IZUMO1R: variants seen among roughly 807,000 people sequenced by gnomAD.
The protein encoded by IZUMO1R is sperm-egg fusion protein Juno.
Under a neutral mutation model 22.1 loss-of-function variants are expected in IZUMO1R, and 24 were observed. The ratio of observed to expected loss-of-function variants is 1.09; its 90% CI spans 0.79 to 1.53. The LOEUF (loss-of-function observed/expected upper bound fraction) is 1.53, where lower values mean the gene tolerates loss of function less well. Ranked by LOEUF, IZUMO1R falls within the 40% of genes most tolerant of loss-of-function variation. The pLI is 0.00. For synonymous variants in IZUMO1R, 133 were observed against 121.2 expected (o/e 1.10, Z -0.64); for missense variants, 308 against 314.9 (o/e 0.98, Z 0.17).
chr11:94,304,992 A>G (rs966162500), intron 1 of IZUMO1R, among the ~76,000 whole-genome samples, 113 bp downstream of exon 1: 1 of 152,148 alleles, frequency 6.6e-6, no homozygotes, highest in African/African-American at 2.4e-5. Context: ...GGTTGTCTGG[A>G]GAGAGAACAG....
At position 94,305,665 on chromosome 11, in the gene IZUMO1R, A is replaced by T; in HGVS notation, c.29A>T (p.Glu10Val). 6.2e-7 allele frequency: 1 copy of T among 1,613,166 alleles called. No homozygotes were observed. Among genetic ancestry groups the T allele is most frequent in the Non-Finnish European group, 8.5e-7 (1 of 1,179,746 alleles). The change falls in exon 2 of 5, where the codon GAG becomes GTG. Residue 10 changes from glutamate (E) to valine (V), a missense_variant. Transcript: ENST00000687084. MACWWPLLL[E>V]LWTVMPTWAG... Reference sequence around the variant, plus strand: ...GCATGCTGGTGGCCGCTCCTGCTAGAGCTGTGGACAGTCATGCCCACCTGG... The same window carrying T: ...GCATGCTGGTGGCCGCTCCTGCTAGTGCTGTGGACAGTCATGCCCACCTGG...
rs1260540144 is a variant in IZUMO1R, at chr11:94,305,695, G to C, written c.59G>C (p.Gly20Ala). The change falls in exon 2 of 5, where the codon GGG (glycine) becomes GCG (alanine). Residue 20 changes from glycine (G) to alanine (A), a missense_variant. Transcript: ENST00000687084. ...ELWTVMPTWA[G>A]DELLNICMNA... ...TGGACAGTCATGCCCACCTGGGCTG[G>C]GGACGAGCTGCTCAACATCTGCATG... The C allele has an allele frequency of 2.5e-6, 4 of 1,613,424 alleles. No individual in the cohort carries two copies. Among genetic ancestry groups the C allele is most frequent in the Non-Finnish European group, 3.4e-6 (4 of 1,179,758 alleles).
chr11:94,305,690 G>A lies in IZUMO1R; in HGVS notation c.54G>A (p.Trp18Ter). The A allele has an allele frequency of 6.2e-7, 1 of 1,613,400 alleles. No individual in the cohort carries two copies. Among genetic ancestry groups the A allele is most frequent in the South Asian group, 1.1e-5 (1 of 91,018 alleles). The stretch of plus-strand genomic sequence containing the variant: ...AGCTGTGGACAGTCATGCCCACCTG[G>A]GCTGGGGACGAGCTGCTCAACATCT... ...LLELWTVMPT[W>*]AGDELLNICM... The change falls in exon 2 of 5, where the codon TGG (tryptophan) becomes TGA (stop). Residue 18 changes from tryptophan (W) to a stop codon, truncating the protein, a stop_gained. Coordinates refer to ENST00000687084, the MANE Select transcript of IZUMO1R (RefSeq NM_001199206.4). LOFTEE classifies it high-confidence loss of function.
rs916973385 is a variant in IZUMO1R at position 94,306,587 on chromosome 11, C to G, written c.213C>G (p.Leu71=). Residue 71 remains leucine (L), a synonymous_variant, in exon 3 of 5, where the codon CTC becomes CTG. Coordinates refer to ENST00000687084, the MANE Select transcript of IZUMO1R (RefSeq NM_001199206.4). ...SWEAHLDVSP[L]YNFSLFHCGL... ...AAGCCCATCTGGATGTATCCCCACT[C>G]TACAACTTCAGCCTGTTTCACTGTG... 5 of 1,613,926 alleles carry G rather than the reference C, an allele frequency of 3.1e-6. No individual in the cohort carries two copies. The highest frequency in any genetic ancestry group is 4.2e-6 in the Non-Finnish European group (5 of 1,179,896).
Position 94,306,108 on chromosome 11 carries a change from A to T in IZUMO1R, c.138+334A>T, listed in dbSNP as rs144454166. ...TTATGTGACCCCTCCCCAAGCTCCT[A>T]AAGGCAATTTCCAGGGATATGGGAG... On this transcript the variant is annotated intron_variant, in intron 2 of 4. Transcript: ENST00000687084. Among the ~76,000 whole-genome samples, 333 of 151,906 alleles carry T rather than the reference A, an allele frequency of 2.2e-3. 3 individuals are homozygous for T. The highest frequency in any genetic ancestry group is 3.4e-3 in the Non-Finnish European group (232 of 67,932).
intron 2 of IZUMO1R, 29 bp downstream of exon 2, chr11:94,305,803 G>A (rs759834208): frequency 5.0e-6 from 8 of 1,610,120 alleles, no homozygotes; most frequent in East Asian, 2.2e-5. Flanking sequence ...GGTATGGGAT[G>A]GGGAAGATCA....
At position 94,306,651 on chromosome 11, in the gene IZUMO1R, GCTAT is replaced by G; in HGVS notation, c.280_283del (p.Ile94AlafsTer33). 1 of 1,613,960 alleles carries G rather than the reference GCTAT, an allele frequency of 6.2e-7. No individual in the cohort carries two copies. Among genetic ancestry groups the G allele is most frequent in the Non-Finnish European group, 8.5e-7 (1 of 1,179,866 alleles). ...TGGCTGTCGGAAGCACTTCATCCAG[GCTAT>G]CTGCTTCTATGAGTGCTCCCCAAAC... On this transcript the variant is annotated frameshift_variant, in exon 3 of 5. Transcript: ENST00000687084. LOFTEE classifies it high-confidence loss of function.
chr11:94,305,415 C>T (rs919752576), intron 1 of IZUMO1R, among the ~76,000 whole-genome samples: 1 of 152,190 alleles, frequency 6.6e-6, no homozygotes, highest in African/African-American at 2.4e-5. Context: ...GCAGGGCCAG[C>T]AAGGCCTCCA....
intron 1 of IZUMO1R, among the ~76,000 whole-genome samples, 200 bp downstream of exon 1, chr11:94,305,079 G>GA (rs1944001346): frequency 1.3e-5 from 2 of 152,118 alleles, no homozygotes; most frequent in Admixed American, 1.3e-4. Flanking sequence ...GAGGCTCTTA[G>GA]ACCAGGGTAG....
intron 2 of IZUMO1R, among the ~76,000 whole-genome samples, 184 bp downstream of exon 2, chr11:94,305,958 C>G (rs1237493001): frequency 6.6e-6 from 1 of 150,630 alleles, no homozygotes; most frequent in Non-Finnish European, 1.5e-5. Context: ...ATTCAAAGTT[C>G]CCATTTCTGA....
rs180748961 is a variant in IZUMO1R, at chr11:94,305,858, C to A, written c.138+84C>A. The A allele has an allele frequency of 9.3e-4, 1,374 of 1,482,130 alleles. 5 individuals are homozygous for A. Among genetic ancestry groups the A allele is most frequent in the Middle Eastern group, 3.1e-3 (17 of 5,498 alleles). 91.8% of individuals were successfully genotyped at this position (1,482,130 alleles called of 1,614,324 possible). On this transcript the variant is annotated intron_variant, in intron 2 of 4. Coordinates refer to ENST00000687084, the MANE Select transcript of IZUMO1R (RefSeq NM_001199206.4). The stretch of plus-strand genomic sequence containing the variant: ...AAGATGGTCTCCGAACCTCATCAAC[C>A]CTGATCATTTGGTTCCTGGGGTTAG...
Position 94,307,803 on chromosome 11 carries a change from A to T in IZUMO1R, c.*111A>T. The T allele has an allele frequency of 3.4e-6, 3 of 894,398 alleles. No homozygotes were observed. Among genetic ancestry groups the T allele is most frequent in the East Asian group, 3.0e-5 (1 of 32,800 alleles). The allele number at this position is 894,398 out of a possible 1,614,324, so 55.4% of individuals were successfully genotyped here. ...TCCCCTAAAAGCAGTGGCATGGGCT[A>T]GGGACTGCAGTCCCACCCAGTCTAG... On this transcript the variant is annotated 3_prime_UTR_variant, in exon 5 of 5. Transcript: ENST00000687084.
chr11:94,306,415 T>A (rs1944019395), intron 2 of IZUMO1R, 98 bp from the exon 3 acceptor site: 1 of 1,170,340 alleles, frequency 8.5e-7, no homozygotes, highest in African/African-American at 1.5e-5. Flanking sequence ...TGCTCAGGCC[T>A]CCTAAGGGAC....
In IZUMO1R at chr11:94,308,016, G is replaced by A. The variant is rs1944042621; in HGVS notation, c.*324G>A. On this transcript the variant is annotated 3_prime_UTR_variant, in exon 5 of 5. Transcript: ENST00000687084. ...CTGGCCACCTCCTGCCTTGAGGGAT[G>A]GGAGCTTTCAAGGGGCTCAAGGACT... Among the ~76,000 whole-genome samples the A allele has an allele frequency of 2.0e-5, 3 of 152,130 alleles. No homozygotes were observed. The highest frequency in any genetic ancestry group is 7.2e-5 in the African/African-American group (3 of 41,554).
At chr11:94,306,412 G>A in intron 2 of IZUMO1R, 101 bp from the exon 3 acceptor site, 1 of 1,103,842 alleles carries the variant, frequency 9.1e-7, no homozygotes, top group Non-Finnish European at 1.4e-6. Flanking sequence ...ACTTGCTCAG[G>A]CCTCCTAAGG....
chr11:94,306,464 G>T (rs370195576), intron 2 of IZUMO1R, 49 bp from the exon 3 acceptor site: 1 of 1,564,844 alleles, frequency 6.4e-7, no homozygotes, highest in Non-Finnish European at 8.8e-7. Context: ...GACACTTGCC[G>T]ATCCTTGCCC....
At chr11:94,305,497 C>A in intron 1 of IZUMO1R, 134 bp from the exon 2 acceptor site, 1 of 1,058,364 alleles carries the variant, frequency 9.4e-7, no homozygotes. Context: ...AAAAGAAGGT[C>A]CTAGGAGCAG....
Position 94,304,670 on chromosome 11 carries a change from T to C in IZUMO1R, c.-216T>C, listed in dbSNP as rs536904646. Among the ~76,000 whole-genome samples the C allele has an allele frequency of 4.8e-4, 73 of 152,240 alleles. No homozygotes were observed. Among genetic ancestry groups the C allele is most frequent in the African/African-American group, 1.6e-3 (68 of 41,544 alleles). On this transcript the variant is annotated 5_prime_UTR_variant, in exon 1 of 5. Transcript: ENST00000687084. ...TTGCCTACGATGGGGTCTGTTTCTC[T>C]GAGGAAGCAAACTTCCTCGGAACCC...
In IZUMO1R at chr11:94,307,177, G is replaced by A. The variant is rs373008279; in HGVS notation, c.361G>A (p.Gly121Arg). The change falls in exon 4 of 5, where the codon GGG becomes AGG. Residue 121 changes from glycine to arginine, a missense_variant. Transcript: ENST00000687084. ...TGACTGCACCCAGGTGGCCCCGAGT[G>A]GGCAGGGAGAGCGAGTTGTGAATGT... ...GSLGWEVAPS[G>R]QGERVVNVPL... 9 of 1,598,160 alleles carry A rather than the reference G, an allele frequency of 5.6e-6. No homozygotes were observed. The highest frequency in any genetic ancestry group is 2.7e-5 in the African/African-American group (2 of 74,772).
Sources: allele counts gnomAD v4.1 joint callset (sites outside exome capture counted in the v4.1 genomes callset), GRCh38; gene constraint gnomAD v4.1.1; transcripts MANE v1.5; gene names NCBI Gene and HGNC (gene_info 2026-07-23, HGNC 2026-07-21).